ITGAE: variants seen among roughly 807,000 people sequenced by gnomAD.
ITGAE encodes the protein integrin alpha-E.
In ITGAE, 99 loss-of-function variants were observed where a neutral mutation model predicts 136.5. The observed-to-expected ratio is 0.73, with a 90% CI of 0.62 to 0.86. The LOEUF (loss-of-function observed/expected upper bound fraction) is 0.86. Ranked by LOEUF, ITGAE falls within the 40% of genes least tolerant of loss-of-function variation. ITGAE has a pLI of 0.00. For missense variants in ITGAE, 1,447 were observed against 1,515.3 expected (o/e 0.95, Z 0.75); for synonymous variants, 613 against 591.8 (o/e 1.04, Z -0.52).
At chr17:3,770,251 C>T (rs1015120298) in intron 2 of ITGAE, among the ~76,000 whole-genome samples, 4 of 151,644 alleles carry the variant, frequency 2.6e-5, no homozygotes, top group Admixed American at 2.6e-4. Context: ...TCCTGAGTAG[C>T]TGGAATTACA....
At chr17:3,722,801 T>C (rs2051083967) in intron 28 of ITGAE, among the ~76,000 whole-genome samples, 1 of 152,228 alleles carries the variant, frequency 6.6e-6, no homozygotes, top group South Asian at 2.1e-4. Flanking sequence ...TTTGTTTGTT[T>C]GTTATTTTTA....
chr17:3,725,309 T>A, intron 26 of ITGAE: 1 of 1,614,210 alleles, frequency 6.2e-7, no homozygotes, highest in Non-Finnish European at 8.5e-7. Context: ...AAAAGGCATC[T>A]GATGCTGAAA....
Position 3,737,250 on chromosome 17 carries a change from G to A in ITGAE, c.2523-2301C>T, listed in dbSNP as rs1260256179. ...GGAGGTTGCAGTGAGCCAAGATCGC[G>A]CCACTGCACTCCTGCCTGGGTGACA... On this transcript the variant is annotated intron_variant, in intron 20 of 30. Transcript: ENST00000263087. 2.6e-5 allele frequency among the ~76,000 whole-genome samples: 4 copies of A among 152,154 alleles called. No individual in the cohort carries two copies. The South Asian group carries it at 6.2e-4, about 24-fold the overall frequency.
intron 15 of ITGAE, among the ~76,000 whole-genome samples, 197 bp from the exon 16 acceptor site, chr17:3,750,679 C>T (rs937727875): frequency 1.3e-5 from 2 of 151,866 alleles, no homozygotes; most frequent in African/African-American, 4.8e-5. Context: ...GCAGGTGGGA[C>T]TTGACAGGGG....
At chr17:3,785,811 AC>A (rs1335892233) in intron 1 of ITGAE, among the ~76,000 whole-genome samples, 1 of 152,014 alleles carries the variant, frequency 6.6e-6, no homozygotes, top group Non-Finnish European at 1.5e-5. Flanking sequence ...AAGAGAACAC[AC>A]AAATTACCAA....
At position 3,761,943 on chromosome 17, in the gene ITGAE, G is replaced by GTCACT; in HGVS notation, c.282_286dup (p.Thr96LysfsTer2). Reference sequence around the variant, plus strand: ...AACACCGTGGTGGCTCCGGACAACGGTCACTCCCCGGTGCCTCCCCTTGGG... The same window carrying GTCACT: ...AACACCGTGGTGGCTCCGGACAACGGTCACTTCACTCCCCGGTGCCTCCCCTTGGG... On this transcript the variant is annotated stop_gained and frameshift_variant, in exon 4 of 31. Transcript: ENST00000263087. LOFTEE classifies it high-confidence loss of function. 6.2e-7 allele frequency: 1 copy of GTCACT among 1,614,012 alleles called. No individual in the cohort carries two copies. The highest frequency in any genetic ancestry group is 8.5e-7 in the Non-Finnish European group (1 of 1,179,994).
In ITGAE at chr17:3,798,302, G is replaced by A. The variant is rs1276925133; in HGVS notation, c.34+2809C>T. On this transcript the variant is annotated intron_variant, in intron 1 of 30. Transcript: ENST00000263087. The surrounding 1 kb of genome is among the most constrained non-coding windows in gnomAD (Gnocchi z 4.3). ...TCTCTTCACACAGGGGCTGGGATAG[G>A]GGTGGCCTCGCCTCTGCCCGCACCT... Among the ~76,000 whole-genome samples the A allele has an allele frequency of 1.3e-5, 2 of 152,138 alleles. No individual in the cohort carries two copies.
intron 2 of ITGAE, among the ~76,000 whole-genome samples, chr17:3,773,489 G>GAA (rs796977327): frequency 1.8e-4 from 22 of 122,762 alleles, no homozygotes; most frequent in African/African-American, 6.2e-4. Flanking sequence ...GCCTCAAAAA[G>GAA]AAAAAAAAAA....
chr17:3,750,536 G>A (rs565860672), intron 15 of ITGAE, 54 bp from the exon 16 acceptor site: 58 of 1,605,028 alleles, frequency 3.6e-5, no homozygotes, highest in Admixed American at 6.7e-5. Context: ...GAAACGGGGC[G>A]GGGAGTCCTT....
Position 3,745,895 on chromosome 17 carries a change from C to T in ITGAE, c.2188G>A (p.Asp730Asn), listed in dbSNP as rs1369754888. Residue 730 changes from aspartate (D) to asparagine (N), a missense_variant, in exon 18 of 31, where the codon GAT becomes AAT. Coordinates refer to ENST00000263087, the MANE Select transcript of ITGAE (RefSeq NM_002208.5). ...LREALLNFTL[D>N]VDVGKQRRRL... ...CTCCTCTGCTTCCCCACATCCACAT[C>T]CAGCGTGAAGTTGAGAAGTGCCTCG... is the stretch of plus-strand genomic sequence containing the variant. 6.2e-7 allele frequency: 1 copy of T among 1,614,014 alleles called. No individual in the cohort carries two copies. Among genetic ancestry groups the T allele is most frequent in the Admixed American group, 1.7e-5 (1 of 60,012 alleles).
chr17:3,723,987 G>A (rs1246120928), intron 26 of ITGAE: 1 of 1,594,176 alleles, frequency 6.3e-7, no homozygotes, highest in East Asian at 2.3e-5. Flanking sequence ...CACATATGGG[G>A]CTGCGGACGG....
chr17:3,725,877 C>T (rs770570501), intron 26 of ITGAE: 9 of 1,611,988 alleles, frequency 5.6e-6, no homozygotes, highest in African/African-American at 1.3e-5. Flanking sequence ...CTTTGAGCAC[C>T]GAGACTTACA....
intron 26 of ITGAE, 132 bp from the exon 27 acceptor site, chr17:3,723,876 G>A (rs1015266302): frequency 2.0e-6 from 3 of 1,517,340 alleles, no homozygotes; most frequent in Admixed American, 2.2e-5. Context: ...AGGCGGGCGC[G>A]TCCGCGTCGC....
intron 29 of ITGAE, chr17:3,717,102 G>A (rs530797984): frequency 1.0e-5 from 3 of 290,468 alleles, no homozygotes; most frequent in Admixed American, 4.9e-5. Flanking sequence ...AGGGTCCCAC[G>A]GAATCCGGTC....
Position 3,718,105 on chromosome 17 carries a change from T to G in ITGAE, c.3334-1307A>C, listed in dbSNP as rs147172206. 15 of 152,420 alleles carry G rather than the reference T, an allele frequency of 9.8e-5. No homozygotes were observed. The East Asian group carries it at 2.9e-3, about 29-fold the overall frequency. 9.4% of individuals were successfully genotyped at this position (152,420 alleles called of 1,614,324 possible). ...TACTACTGTTTGCAGCAAACACGGATGCTGGCCTGCCCAGGGGCCCCTCTC... is the reference window on the plus strand; with the variant it reads ...TACTACTGTTTGCAGCAAACACGGAGGCTGGCCTGCCCAGGGGCCCCTCTC... On this transcript the variant is annotated intron_variant, in intron 29 of 30. Coordinates refer to ENST00000263087, the MANE Select transcript of ITGAE (RefSeq NM_002208.5).
At chr17:3,723,779 A>T (rs568690587) in intron 26 of ITGAE, 35 bp from the exon 27 acceptor site, 2 of 1,601,676 alleles carry the variant, frequency 1.2e-6, no homozygotes, top group South Asian at 1.1e-5. Context: ...CGCGCTGAAC[A>T]AACCAAGCCG....
chr17:3,797,975 C>G (rs947856716), intron 1 of ITGAE, among the ~76,000 whole-genome samples: 3 of 152,216 alleles, frequency 2.0e-5, no homozygotes, highest in African/African-American at 4.8e-5. Context: ...CAAGCTCCCC[C>G]AGGCCGGCAC....
At chr17:3,729,134 G>A (rs1262394354) in intron 24 of ITGAE, among the ~76,000 whole-genome samples, 2 of 151,830 alleles carry the variant, frequency 1.3e-5, no homozygotes, top group Admixed American at 6.6e-5. Flanking sequence ...ATTCTGTATC[G>A]TTGGGCTGGT....
intron 24 of ITGAE, 183 bp downstream of exon 24, chr17:3,729,295 T>A: frequency 1.7e-6 from 1 of 583,862 alleles, no homozygotes; most frequent in Non-Finnish European, 3.1e-6. Flanking sequence ...CACAGTGGGG[T>A]TTCTGTGACC....
Sources: gnomAD v4.1 joint callset for allele counts (sites outside exome capture counted in the v4.1 genomes callset) on GRCh38, gnomAD v4.1.1 for gene constraint, Gnocchi (gnomAD v3.1) non-coding constraint, MANE v1.5 for transcripts, NCBI Gene and HGNC (gene_info 2026-07-23, HGNC 2026-07-21) for gene names.